Variants in NAV2 observed in about 807,000 individuals in gnomAD.
NAV2 encodes the protein helicase, APC down-regulated 1.
In NAV2, 54 loss-of-function variants were observed where a neutral mutation model predicts 223.2. The ratio of observed to expected loss-of-function variants is 0.24; its 90% confidence interval spans 0.19 to 0.30. The LOEUF is 0.30. NAV2 is among the 10% of genes least tolerant of loss of function. The pLI is 1.00. For synonymous variants in NAV2, 1,279 were observed against 1,239.3 expected, an observed-to-expected ratio of 1.03 and a Z score of -0.67; for missense variants, 2,806 against 3,147.5, an observed-to-expected ratio of 0.89 and a Z score of 2.60.
At chr11:19,597,284 G>A (rs995181724) in intron 1 of NAV2, among the ~76,000 whole-genome samples, 7 of 152,230 alleles carry the variant, frequency 4.6e-5, no homozygotes, top group Non-Finnish European at 1.0e-4. Flanking sequence ...TTATGAAAGA[G>A]TTGATTCAGC....
chr11:19,788,171 G>T (rs1311063076), intron 1 of NAV2, among the ~76,000 whole-genome samples: 6 of 152,182 alleles, frequency 3.9e-5, no homozygotes, highest in African/African-American at 7.2e-5. Context: ...TGACCATTTG[G>T]TATAGGGGCT....
At chr11:20,053,475 C>T (rs1392541883) in intron 17 of NAV2, among the ~76,000 whole-genome samples, 1 of 152,184 alleles carries the variant, frequency 6.6e-6, no homozygotes, top group Non-Finnish European at 1.5e-5. Flanking sequence ...TCACCATATA[C>T]ATTTCAGAAT....
chr11:19,789,826 G>A (rs73433690), intron 1 of NAV2, among the ~76,000 whole-genome samples: 18,015 of 152,104 alleles, frequency 0.12, 1,265 homozygotes, highest in African/African-American at 0.2. Flanking sequence ...GACCAGACTC[G>A]GCTGTAAGAA....
At chr11:20,033,815 G>A (rs12807369) in intron 11 of NAV2, among the ~76,000 whole-genome samples, 28,786 of 146,790 alleles carry the variant, frequency 0.2, 2,922 homozygotes, top group Middle Eastern at 0.3. Context: ...TAGAACTTTG[G>A]GGTTATGTGT....
intron 1 of NAV2, among the ~76,000 whole-genome samples, chr11:19,794,577 G>A (rs1296174028): frequency 6.6e-6 from 1 of 152,134 alleles, no homozygotes; most frequent in Non-Finnish European, 1.5e-5. Flanking sequence ...TGACATCTGA[G>A]CTAAAAATGA....
At chr11:19,565,700 C>T (rs1328640293) in intron 1 of NAV2, among the ~76,000 whole-genome samples, 2 of 152,200 alleles carry the variant, frequency 1.3e-5, no homozygotes, top group African/African-American at 4.8e-5. Context: ...CTACAGCCCA[C>T]TCCCTGCTTT....
At position 19,698,840 on chromosome 11, in the gene NAV2, A is replaced by G. The variant is rs572916352; in HGVS notation, c.76-133644A>G. Among the ~76,000 whole-genome samples the G allele has an allele frequency of 8.7e-3, 1,323 of 152,070 alleles. 9 individuals carry two copies. Among genetic ancestry groups the G allele is most frequent in the African/African-American group, 0.031 (1,271 of 41,486 alleles). Reference sequence around the variant, plus strand: ...TGTGAGAGAGAGAGAGTGTGTGTGTATGTGTGTGTGTAGGCGGGTAAGAAA... The same window carrying G: ...TGTGAGAGAGAGAGAGTGTGTGTGTGTGTGTGTGTGTAGGCGGGTAAGAAA... On this transcript the variant is annotated intron_variant, in intron 1 of 37. Coordinates refer to the NAV2 transcript ENST00000360655.
rs10692495 is a variant in NAV2 at position 19,931,609 on chromosome 11, A to AACAAAAAAAG, written c.932-1567_932-1566insACAAAAAAAG. Among the ~76,000 whole-genome samples the AACAAAAAAAG allele has an allele frequency of 2.1e-4, 29 of 137,328 alleles. 1 individual carries two copies. Among genetic ancestry groups the AACAAAAAAAG allele is most frequent in the Non-Finnish European group, 4.0e-4 (26 of 64,324 alleles). 90.1% of individuals were successfully genotyped at this position (137,328 alleles called of 152,430 possible). On this transcript the variant is annotated intron_variant, in intron 6 of 37. Coordinates refer to ENST00000349880, the MANE Select transcript of NAV2 (RefSeq NM_145117.5). ...ACATAGGTATTTAAAAAAAAAAAAA[A>AACAAAAAAAG]GCAGAAGAAGCAGCCGTTAATCCCG...
At chr11:19,888,990 C>T (rs895960507) in intron 5 of NAV2, among the ~76,000 whole-genome samples, 2 of 152,102 alleles carry the variant, frequency 1.3e-5, no homozygotes, top group Non-Finnish European at 2.9e-5. Context: ...CCTTGAGATC[C>T]GGGTAAGATT....
upstream of NAV2, among the ~76,000 whole-genome samples, chr11:19,709,121 A>G (rs893936672): frequency 2.0e-5 from 3 of 152,124 alleles, no homozygotes; most frequent in African/African-American, 4.8e-5. Context: ...TTATTTAAGT[A>G]AGAAACTTAT....
intron 1 of NAV2, among the ~76,000 whole-genome samples, chr11:19,571,693 C>G (rs149145449): frequency 6.7e-6 from 1 of 149,668 alleles, no homozygotes; most frequent in African/African-American, 2.5e-5. Flanking sequence ...GCAACAAGAG[C>G]GAGACTCCAT....
intron 1 of NAV2, among the ~76,000 whole-genome samples, chr11:19,528,646 G>A (rs892624312): frequency 6.6e-6 from 1 of 150,668 alleles, no homozygotes; most frequent in African/African-American, 2.5e-5. Context: ...TTTAAGAATG[G>A]GAAGGCCGGG....
chr11:19,887,176 C>G (rs1488938530), intron 5 of NAV2, among the ~76,000 whole-genome samples: 1 of 152,040 alleles, frequency 6.6e-6, no homozygotes, highest in Non-Finnish European at 1.5e-5. Flanking sequence ...GGAACACCTG[C>G]CAGAACCCAA....
chr11:19,631,552 C>A (rs1222824547), intron 1 of NAV2, among the ~76,000 whole-genome samples: 1 of 152,180 alleles, frequency 6.6e-6, no homozygotes, highest in African/African-American at 2.4e-5. Flanking sequence ...TACCTTTCCC[C>A]TTCCTACCAA....
chr11:19,490,019 T>A (rs2042572798), intron 1 of NAV2, among the ~76,000 whole-genome samples: 1 of 152,216 alleles, frequency 6.6e-6, no homozygotes. Context: ...TTCCAGTACA[T>A]ATAGAAGTTA....
In NAV2 at chr11:19,862,967, C is replaced by T. The variant is rs144836661; in HGVS notation, c.439-5958C>T. On this transcript the variant is annotated intron_variant, in intron 3 of 37. Coordinates refer to ENST00000349880, the MANE Select transcript of NAV2 (RefSeq NM_145117.5). Reference sequence around the variant, plus strand: ...GACAGAGGAAGGGGTATTAGAAGGACGTGGAGACCTCTTAGATATGGAACA... The same window carrying T: ...GACAGAGGAAGGGGTATTAGAAGGATGTGGAGACCTCTTAGATATGGAACA... 7.1e-3 allele frequency among the ~76,000 whole-genome samples: 1,079 copies of T among 152,176 alleles called. 3 individuals are homozygous for T. Among genetic ancestry groups the T allele is most frequent in the Non-Finnish European group, 0.011 (744 of 67,998 alleles).
chr11:19,423,034 T>A (rs1465116626), intron 1 of NAV2, among the ~76,000 whole-genome samples: 1 of 152,262 alleles, frequency 6.6e-6, no homozygotes, highest in Non-Finnish European at 1.5e-5. Context: ...TGATTTCAAC[T>A]GTTTCACAAG....
intron 1 of NAV2, among the ~76,000 whole-genome samples, chr11:19,352,962 C>T (rs1261063871): frequency 6.6e-6 from 1 of 152,138 alleles, no homozygotes; most frequent in East Asian, 1.9e-4. Context: ...AAGTGTGAAG[C>T]TAAACAAGCC....
Position 19,355,251 on chromosome 11 carries a change from GTTT to G in NAV2, c.75+4239_75+4241del, listed in dbSNP as rs34213206. 3.4e-3 allele frequency among the ~76,000 whole-genome samples: 491 copies of G among 143,046 alleles called. 4 individuals carry two copies. Among genetic ancestry groups the G allele is most frequent in the African/African-American group, 0.011 (414 of 38,870 alleles). The allele number at this position is 143,046 out of a possible 152,430, so 93.8% of individuals were successfully genotyped here. ...CATTGTAAAATAAGAATTGTTGGTT[GTTT>G]TTTTTTTTTTTTTTAAAGATGCTTG... On this transcript the variant is annotated intron_variant, in intron 1 of 37. Transcript: ENST00000360655.
Sources: gnomAD v4.1 joint callset for allele counts (sites outside exome capture counted in the v4.1 genomes callset) on GRCh38, gnomAD v4.1.1 for gene constraint, MANE v1.5 for transcripts, NCBI Gene and HGNC (gene_info 2026-07-23, HGNC 2026-07-21) for gene names.